Variants in ARV1 observed in about 807,000 individuals in gnomAD.
ARV1 encodes ARV1 fatty acid homeostasis modulator, also known as protein ARV1.
In ARV1, 26 loss-of-function variants were observed where a neutral mutation model predicts 31.1. That is an observed-to-expected ratio of 0.84 (90% confidence interval 0.61 to 1.16). ARV1 has a LOEUF of 1.16. Among genes scored for constraint, ARV1 ranks in the 50% most tolerant of loss-of-function variants. The pLI, the probability that ARV1 is intolerant of heterozygous loss-of-function variation, is 0.00. For synonymous variants in ARV1, 117 were observed against 123.2 expected (o/e 0.95, Z 0.34); for missense variants, 281 against 324.9 (o/e 0.86, Z 1.04).
At position 230,997,133 on chromosome 1, in the gene ARV1, T is replaced by G. The variant is rs762155185; in HGVS notation, c.686T>G (p.Ile229Ser). ...TTCTCCTTTCCAGTGACCCTAAACA[T>G]CAACCGTAAGCTCTCCTTCTTGGCC... Reference protein sequence around the residue: ...NFQAIRVTLNINRKLSFLAVL... With the variant: ...NFQAIRVTLNSNRKLSFLAVL... Residue 229 changes from isoleucine (I) to serine (S), a missense_variant, in exon 5 of 6, where the codon ATC (isoleucine) becomes AGC (serine). Coordinates refer to ENST00000310256, the MANE Select transcript of ARV1 (RefSeq NM_022786.3). The G allele has an allele frequency of 1.2e-5, 20 of 1,614,034 alleles. No individual in the cohort carries two copies. The highest frequency in any genetic ancestry group is 1.6e-5 in the Non-Finnish European group (19 of 1,179,976).
At chr1:230,994,259 C>T (rs113764165) in intron 3 of ARV1, among the ~76,000 whole-genome samples, 1,939 of 152,252 alleles carry the variant, frequency 0.013, 38 homozygotes, top group African/African-American at 0.044. Flanking sequence ...GCCTGTGTGG[C>T]GCAAGAAATC....
intron 1 of ARV1, among the ~76,000 whole-genome samples, chr1:230,985,781 G>C (rs907646614): frequency 9.9e-5 from 15 of 152,140 alleles, no homozygotes. Flanking sequence ...GAGTAGCCAA[G>C]GGAGACCTAT....
chr1:230,993,133 G>A (rs546671660), intron 3 of ARV1, among the ~76,000 whole-genome samples: 40 of 151,906 alleles, frequency 2.6e-4, no homozygotes, highest in African/African-American at 8.2e-4. Flanking sequence ...CTCTGTCACC[G>A]AGGCTAGGGT....
intron 3 of ARV1, 72 bp downstream of exon 3, chr1:230,990,335 T>G: frequency 6.5e-7 from 1 of 1,544,432 alleles, no homozygotes; most frequent in African/African-American, 1.4e-5. Context: ...AACTAAGACA[T>G]GTAGTCTTAA....
chr1:230,983,286 C>G (rs1016632262), intron 1 of ARV1, among the ~76,000 whole-genome samples: 1 of 151,850 alleles, frequency 6.6e-6, no homozygotes, highest in East Asian at 1.9e-4. Context: ...GTGGCGCACT[C>G]TTGTAATCCC....
At chr1:230,984,363 C>CGCGTGCGTGTGTGTGTGTGT (rs1191353620) in intron 1 of ARV1, among the ~76,000 whole-genome samples, 1 of 129,762 alleles carries the variant, frequency 7.7e-6, no homozygotes, top group African/African-American at 2.9e-5. Flanking sequence ...TGTGTGTGTG[C>CGCGTGCGTGTGTGTGTGTGT]GTGTGTGTGT....
At chr1:230,980,819 C>G (rs1678888657) in intron 1 of ARV1, among the ~76,000 whole-genome samples, 1 of 151,020 alleles carries the variant, frequency 6.6e-6, no homozygotes, top group Admixed American at 6.6e-5. Flanking sequence ...CCACTTCCCC[C>G]TTTAGCTTCT....
At position 230,995,729 on chromosome 1, in the gene ARV1, T is replaced by C. The variant is rs183815406; in HGVS notation, c.449-31T>C. On this transcript the variant is annotated intron_variant, in intron 3 of 5. Coordinates refer to ENST00000310256, the MANE Select transcript of ARV1 (RefSeq NM_022786.3). ...AGGGGATATATTTTGGATGGGGACA[T>C]TCATACTTTTATTTTCCATTTCTTC... is the stretch of plus-strand genomic sequence containing the variant. 5.8e-6 allele frequency: 9 copies of C among 1,551,460 alleles called. No homozygotes were observed. In the Middle Eastern group the frequency reaches 7.0e-4, roughly 121 times the overall value.
chr1:230,999,257 G>A (rs1679459793), intron 5 of ARV1, among the ~76,000 whole-genome samples: 1 of 152,118 alleles, frequency 6.6e-6, no homozygotes, highest in South Asian at 2.1e-4. Context: ...GCACTCTCCT[G>A]TTGAAGCAGA....
chr1:230,984,891 A>G (rs919066965), intron 1 of ARV1, among the ~76,000 whole-genome samples: 1 of 152,212 alleles, frequency 6.6e-6, no homozygotes, highest in African/African-American at 2.4e-5. Context: ...AACTTCATAC[A>G]TTGTTGGTGT....
intron 1 of ARV1, among the ~76,000 whole-genome samples, chr1:230,982,858 CAG>C (rs1431307130): frequency 6.6e-6 from 1 of 152,158 alleles, no homozygotes; most frequent in Admixed American, 6.5e-5. Flanking sequence ...ACATAATCTC[CAG>C]AGTTTCTAAG....
chr1:230,987,144 C>T (rs1219099436), intron 1 of ARV1, among the ~76,000 whole-genome samples: 1 of 152,144 alleles, frequency 6.6e-6, no homozygotes, highest in East Asian at 1.9e-4. Context: ...TGCAGTACTG[C>T]AATCCTCAAT....
chr1:230,995,581 T>TA (rs1417070357), intron 3 of ARV1, among the ~76,000 whole-genome samples, 179 bp from the exon 4 acceptor site: 2 of 132,522 alleles, frequency 1.5e-5, no homozygotes, highest in Non-Finnish European at 1.6e-5. Flanking sequence ...AGGGGTTTAT[T>TA]TAAAAAAAAA....
At chr1:230,983,688 A>G (rs551977446) in intron 1 of ARV1, among the ~76,000 whole-genome samples, 1 of 152,186 alleles carries the variant, frequency 6.6e-6, no homozygotes, top group Non-Finnish European at 1.5e-5. Flanking sequence ...CAGCAGGAAT[A>G]TTTATGAAAA....
intron 1 of ARV1, 74 bp from the exon 2 acceptor site, chr1:230,988,246 T>C: frequency 7.4e-7 from 1 of 1,351,160 alleles, no homozygotes; most frequent in Non-Finnish European, 1.0e-6. Context: ...AAATAGACTC[T>C]GCTGTTTTGA....
At chr1:230,984,053 G>A (rs958045249) in intron 1 of ARV1, among the ~76,000 whole-genome samples, 1 of 152,130 alleles carries the variant, frequency 6.6e-6, no homozygotes. Flanking sequence ...TGGGCAACAT[G>A]GTGAGACCAC....
intron 1 of ARV1, among the ~76,000 whole-genome samples, chr1:230,984,379 T>C (rs956000816): frequency 9.2e-5 from 13 of 141,150 alleles, no homozygotes; most frequent in African/African-American, 2.4e-4. Flanking sequence ...TGTGTGTGTG[T>C]GTGTGTGTGT....
rs115111010 is a variant in ARV1 at position 230,998,671 on chromosome 1, C to T, written c.*4+1404C>T. ...CTGTAATCCCAGCACTTTGGGAGGC[C>T]GAGTCAGGAAGATGGCTTGAGCCCA... On this transcript the variant is annotated intron_variant, in intron 5 of 5. Coordinates refer to ENST00000310256, the MANE Select transcript of ARV1 (RefSeq NM_022786.3). Among the ~76,000 whole-genome samples the T allele has an allele frequency of 6.6e-3, 995 of 151,536 alleles. 8 individuals carry two copies. The highest frequency in any genetic ancestry group is 0.023 in the African/African-American group (942 of 41,262).
intron 1 of ARV1, among the ~76,000 whole-genome samples, chr1:230,984,367 T>TGTGTGTGC (rs1678999363): frequency 8.0e-6 from 1 of 124,296 alleles, no homozygotes. Flanking sequence ...TGTGTGCGTG[T>TGTGTGTGC]GTGTGTGTGT....
Sources: gnomAD v4.1 joint callset for allele counts (sites outside exome capture counted in the v4.1 genomes callset) on GRCh38, gnomAD v4.1.1 for gene constraint, MANE v1.5 for transcripts, NCBI Gene and HGNC (gene_info 2026-07-23, HGNC 2026-07-21) for gene names.